ANGEL1: variants seen among roughly 807,000 people sequenced by gnomAD.
ANGEL1 encodes angel homolog 1.
In ANGEL1, 62 loss-of-function variants were observed where a neutral mutation model predicts 76.4. The observed-to-expected ratio is 0.81, with a 90% confidence interval of 0.66 to 1.00. The LOEUF is 1.00. Among genes scored for constraint, ANGEL1 ranks in the 50% least tolerant of loss-of-function variants. The pLI is 0.00. For synonymous variants in ANGEL1, 340 were observed against 331.7 expected (o/e 1.03, Z -0.27); for missense variants, 737 against 836.7 (o/e 0.88, Z 1.47).
chr14:76,810,895 C>T (rs971972082), intron 1 of ANGEL1, among the ~76,000 whole-genome samples: 4 of 152,160 alleles, frequency 2.6e-5, no homozygotes, highest in African/African-American at 7.2e-5. Context: ...CAGCACAGGA[C>T]GAGTAACATG....
chr14:76,801,285 A>AT (rs1383480867), intron 7 of ANGEL1, among the ~76,000 whole-genome samples: 2 of 151,186 alleles, frequency 1.3e-5, no homozygotes, highest in Non-Finnish European at 3.0e-5. Context: ...TAATTTTTTG[A>AT]TTTTTTTGTA....
At chr14:76,793,400 GA>G (rs1566695795) in intron 7 of ANGEL1, among the ~76,000 whole-genome samples, 10 of 49,584 alleles carry the variant, frequency 2.0e-4, no homozygotes, top group Non-Finnish European at 3.7e-4. Flanking sequence ...GAGGAGGGGA[GA>G]GGGGATAAAA....
chr14:76,799,797 G>C (rs984111105), intron 7 of ANGEL1, among the ~76,000 whole-genome samples: 1 of 151,858 alleles, frequency 6.6e-6, no homozygotes, highest in African/African-American at 2.4e-5. Flanking sequence ...CCAGCTACTC[G>C]GAAGGTTGAG....
Position 76,789,109 on chromosome 14 carries a change from G to C in ANGEL1, c.*119C>G, listed in dbSNP as rs1259558822. The C allele has an allele frequency of 1.2e-5, 16 of 1,309,646 alleles. No individual in the cohort carries two copies. Among genetic ancestry groups the C allele is most frequent in the Non-Finnish European group, 1.7e-5 (16 of 947,826 alleles). 81.1% of individuals were successfully genotyped at this position (1,309,646 alleles called of 1,614,324 possible). A position where few individuals can be genotyped will look rare whatever the true frequency, so the allele number is the denominator to read the frequency against. ...ACCGTGGGAAAAAGGGAACGAGGAG[G>C]GGGAAGGGAGGGGATGTAAGTTTCT... On this transcript the variant is annotated 3_prime_UTR_variant, in exon 10 of 10. Transcript: ENST00000251089.
intron 7 of ANGEL1, among the ~76,000 whole-genome samples, chr14:76,797,024 A>C (rs1894600094): frequency 6.6e-6 from 1 of 152,070 alleles, no homozygotes; most frequent in Non-Finnish European, 1.5e-5. Flanking sequence ...AACAAACAGC[A>C]CTGCTCTGGC....
At chr14:76,791,535 C>A (rs1403166554) in intron 7 of ANGEL1, among the ~76,000 whole-genome samples, 169 bp from the exon 8 acceptor site, 1 of 152,158 alleles carries the variant, frequency 6.6e-6, no homozygotes, top group Admixed American at 6.5e-5. Context: ...AAACCAAAGT[C>A]AAGAACCTCA....
intron 7 of ANGEL1, among the ~76,000 whole-genome samples, chr14:76,791,814 G>A (rs1422902046): frequency 6.6e-6 from 1 of 151,838 alleles, no homozygotes; most frequent in East Asian, 1.9e-4. Flanking sequence ...GTCTATGCAT[G>A]TATGCATACA....
chr14:76,786,167 CT>C lies in ANGEL1; in HGVS notation c.*3060del, dbSNP rs1555360433. The C allele has an allele frequency of 1.1e-3, 125 of 114,922 alleles. No individual in the cohort carries two copies. The highest frequency in any genetic ancestry group is 1.5e-3 in the South Asian group (6 of 3,904). 7.1% of individuals were successfully genotyped at this position (114,922 alleles called of 1,614,324 possible). ...AGTTTTCTTTCTTTTCTTTTCTTTT[CT>C]TTTTTTTTTTTTGAGATGGAGTTTC... On this transcript the variant is annotated 3_prime_UTR_variant, in exon 10 of 10. Coordinates refer to ENST00000251089, the MANE Select transcript of ANGEL1 (RefSeq NM_015305.4).
intron 7 of ANGEL1, among the ~76,000 whole-genome samples, chr14:76,797,970 G>T (rs1240599376): frequency 6.6e-6 from 1 of 152,182 alleles, no homozygotes; most frequent in East Asian, 1.9e-4. Flanking sequence ...CACCTTGGGA[G>T]GTGATTAGGT....
Position 76,788,159 on chromosome 14 carries a change from A to G in ANGEL1, c.*1069T>C, listed in dbSNP as rs1894300231. 2 of 152,240 alleles carry G rather than the reference A, an allele frequency of 1.3e-5. No individual in the cohort carries two copies. Among genetic ancestry groups the G allele is most frequent in the African/African-American group, 4.8e-5 (2 of 41,446 alleles). 9.4% of individuals were successfully genotyped at this position (152,240 alleles called of 1,614,324 possible). A position where few individuals can be genotyped will look rare whatever the true frequency, so the allele number is the denominator to read the frequency against. ...AAGTGGTGGAAGGAGAGGAACAGAA[A>G]ATTGCTTCTTAGGAGTGGAGAGGAA... On this transcript the variant is annotated 3_prime_UTR_variant, in exon 10 of 10. Coordinates refer to ENST00000251089, the MANE Select transcript of ANGEL1 (RefSeq NM_015305.4).
intron 7 of ANGEL1, among the ~76,000 whole-genome samples, chr14:76,802,633 C>T (rs1894799190): frequency 1.3e-5 from 2 of 151,538 alleles, no homozygotes; most frequent in Admixed American, 6.6e-5. Flanking sequence ...AGGATCAAAA[C>T]GGGTCCAGAG....
intron 5 of ANGEL1, among the ~76,000 whole-genome samples, chr14:76,806,021 T>C (rs1392783662): frequency 1.3e-5 from 2 of 152,170 alleles, no homozygotes; most frequent in Non-Finnish European, 2.9e-5. Flanking sequence ...GGAACATAGA[T>C]ATCACTGTAA....
chr14:76,810,275 G>C (rs949837153), intron 1 of ANGEL1: 1 of 454,024 alleles, frequency 2.2e-6, no homozygotes, highest in South Asian at 1.6e-5. Flanking sequence ...TTAAAAATTA[G>C]CCAAGTACGG....
intron 2 of ANGEL1, among the ~76,000 whole-genome samples, chr14:76,808,380 G>C (rs1028548211): frequency 1.3e-5 from 2 of 152,140 alleles, no homozygotes; most frequent in African/African-American, 4.8e-5. Context: ...CCAGCACCTA[G>C]CATCTAATAG....
chr14:76,786,020 ATTAACT>A lies in ANGEL1; in HGVS notation c.*3202_*3207del, dbSNP rs1383249485. 3 of 152,272 alleles carry A rather than the reference ATTAACT, an allele frequency of 2.0e-5. No homozygotes were observed. Among genetic ancestry groups the A allele is most frequent in the Non-Finnish European group, 4.4e-5 (3 of 68,050 alleles). The allele number at this position is 152,272 out of a possible 1,614,324, so 9.4% of individuals were successfully genotyped here. Reference sequence around the variant, plus strand: ...AAATTCTTCACAAGTAGAAGTGATTATTAACTTTAATTTCTATTTCACCAAGGAATG... The same window carrying A: ...AAATTCTTCACAAGTAGAAGTGATTATTAATTTCTATTTCACCAAGGAATG... On this transcript the variant is annotated 3_prime_UTR_variant, in exon 10 of 10. Coordinates refer to ENST00000251089, the MANE Select transcript of ANGEL1 (RefSeq NM_015305.4).
At chr14:76,812,327 G>A in intron 1 of ANGEL1, 1 of 1,008,816 alleles carries the variant, frequency 9.9e-7, no homozygotes, top group Non-Finnish European at 1.2e-6. Flanking sequence ...GGTGCGTCCA[G>A]TACTTCGGCC....
At chr14:76,812,727 G>A (rs1373762347) in intron 1 of ANGEL1, 37 bp downstream of exon 1, 2 of 1,494,110 alleles carry the variant, frequency 1.3e-6, no homozygotes, top group Non-Finnish European at 1.8e-6. Flanking sequence ...GGCGAGCCCT[G>A]GCCGGGCTCC....
In ANGEL1 at chr14:76,806,565, G is replaced by T; in HGVS notation, c.1231C>A (p.Leu411Met). 6.2e-7 allele frequency: 1 copy of T among 1,614,240 alleles called. No homozygotes were observed. Among genetic ancestry groups the T allele is most frequent in the Non-Finnish European group, 8.5e-7 (1 of 1,180,034 alleles). Reference sequence around the variant, plus strand: ...CTGGCCACCTTGTCCACTTCCGCCAGGAGAATGGCCATCTGGGCCAGCTTG... The same window carrying T: ...CTGGCCACCTTGTCCACTTCCGCCATGAGAATGGCCATCTGGGCCAGCTTG... ...DVKLAQMAIL[L>M]AEVDKVARLS... The change falls in exon 5 of 10, where the codon CTG becomes ATG. Residue 411 changes from leucine (L) to methionine (M), a missense_variant. Leu to Met is a conservative substitution (Grantham distance 15). Coordinates refer to ENST00000251089, the MANE Select transcript of ANGEL1 (RefSeq NM_015305.4).
chr14:76,800,415 T>G (rs569048277), intron 7 of ANGEL1, among the ~76,000 whole-genome samples: 1 of 152,324 alleles, frequency 6.6e-6, no homozygotes, highest in East Asian at 1.9e-4. Flanking sequence ...TACTTTGACT[T>G]TGCAATTAAA....
Sources: gnomAD v4.1 joint callset for allele counts (sites outside exome capture counted in the v4.1 genomes callset) on GRCh38, gnomAD v4.1.1 for gene constraint, MANE v1.5 for transcripts, NCBI Gene and HGNC (gene_info 2026-07-23, HGNC 2026-07-21) for gene names.